The following MYO16 variants were observed in gnomAD, a reference collection of about 807,000 sequenced individuals.
MYO16 encodes the protein myosin XVI.
In MYO16, 94 loss-of-function variants were observed where a neutral mutation model predicts 205.3. The observed-to-expected ratio is 0.46, with a 90% CI of 0.39 to 0.54. MYO16 has a LOEUF of 0.54. MYO16 is among the 20% of genes least tolerant of loss of function. The probability of loss-of-function intolerance (pLI) is 0.00; values close to 1 mark genes in which losing one functional copy is unlikely to be tolerated. For missense variants in MYO16, 2,315 were observed against 2,387.5 expected, an observed-to-expected ratio of 0.97 and a Z score of 0.63; for synonymous variants, 988 against 954.0, an observed-to-expected ratio of 1.04 and a Z score of -0.66.
chr13:108,866,049 C>A (rs1878695391), intron 11 of MYO16, 128 bp from the exon 12 acceptor site: 2 of 545,378 alleles, frequency 3.7e-6, no homozygotes, highest in African/African-American at 2.0e-5. Flanking sequence ...TAAAAAATAG[C>A]AAAATACTAA....
chr13:109,089,188 CATTATT>C (rs34430414), intron 27 of MYO16, among the ~76,000 whole-genome samples: 1,946 of 147,838 alleles, frequency 0.013, 24 homozygotes, highest in South Asian at 0.034. Context: ...TTGTTTTCTG[CATTATT>C]ATTATTATTA....
At chr13:108,518,957 G>A in the MYO16 span, among the ~76,000 whole-genome samples, 122 of 152,134 alleles carry the variant, frequency 8.0e-4, 2 homozygotes, top group Non-Finnish European at 8.2e-4. Flanking sequence ...TCATGCCAAA[G>A]GATGCACATA....
At chr13:108,914,645 G>T (rs912923963) in intron 16 of MYO16, among the ~76,000 whole-genome samples, 2 of 152,060 alleles carry the variant, frequency 1.3e-5, no homozygotes, top group African/African-American at 2.4e-5. Context: ...AGAAAACATT[G>T]CTGTAATTCC....
chr13:108,637,243 C>T (rs1010019305), intron 1 of MYO16, among the ~76,000 whole-genome samples: 4 of 152,118 alleles, frequency 2.6e-5, no homozygotes, highest in Admixed American at 2.0e-4. Context: ...TCCGTGTTGA[C>T]GTTGCATTAT....
intron 21 of MYO16, among the ~76,000 whole-genome samples, chr13:109,000,431 C>T (rs989849304): frequency 2.6e-5 from 4 of 152,188 alleles, no homozygotes; most frequent in African/African-American, 9.6e-5. Context: ...TGCTCCAGCA[C>T]AGGCCATGCT....
chr13:109,151,933 G>A (rs898345296), intron 32 of MYO16, among the ~76,000 whole-genome samples: 18 of 152,240 alleles, frequency 1.2e-4, no homozygotes, highest in South Asian at 6.2e-4. Flanking sequence ...GCGAGATGAC[G>A]TGCTGGAGGG....
At chr13:108,902,838 C>G (rs1287156176) in intron 15 of MYO16, among the ~76,000 whole-genome samples, 1 of 152,166 alleles carries the variant, frequency 6.6e-6, no homozygotes, top group Non-Finnish European at 1.5e-5. Flanking sequence ...GTTTTGCTTT[C>G]TATGGTTTCA....
chr13:108,757,183 T>C (rs1298089328), intron 4 of MYO16, among the ~76,000 whole-genome samples: 2 of 152,212 alleles, frequency 1.3e-5, no homozygotes, highest in Non-Finnish European at 2.9e-5. Context: ...CATTTTAGCA[T>C]GGTTCATAAA....
intron 14 of MYO16, among the ~76,000 whole-genome samples, chr13:108,895,108 T>C (rs1053436365): frequency 1.3e-5 from 2 of 152,142 alleles, no homozygotes; most frequent in Non-Finnish European, 2.9e-5. Flanking sequence ...ATGCCACAAG[T>C]CTTTACTTTC....
intron 7 of MYO16, among the ~76,000 whole-genome samples, chr13:108,813,711 T>C (rs1258108077): frequency 6.6e-6 from 1 of 151,926 alleles, no homozygotes; most frequent in East Asian, 1.9e-4. Flanking sequence ...ACACTCTCTC[T>C]CTTTCTCTCT....
chr13:109,174,202 G>A (rs776126252), intron 33 of MYO16, among the ~76,000 whole-genome samples: 11 of 152,144 alleles, frequency 7.2e-5, no homozygotes, highest in Non-Finnish European at 1.2e-4. Context: ...AAGAAGGGAA[G>A]GGCAATTCCC....
intron 23 of MYO16, among the ~76,000 whole-genome samples, chr13:109,037,708 A>C (rs1253102764): frequency 3.3e-5 from 5 of 152,100 alleles, no homozygotes; most frequent in African/African-American, 1.2e-4. Flanking sequence ...AGATAGGAAG[A>C]AAGAGCTAGA....
chr13:109,086,901 C>A (rs1888449630), intron 27 of MYO16, among the ~76,000 whole-genome samples: 1 of 152,194 alleles, frequency 6.6e-6, no homozygotes, highest in South Asian at 2.1e-4. Context: ...ATGTACATAT[C>A]TGTTGCATTT....
intron 4 of MYO16, among the ~76,000 whole-genome samples, chr13:108,741,252 G>A (rs892983593): frequency 6.6e-5 from 10 of 152,168 alleles, no homozygotes; most frequent in African/African-American, 2.2e-4. Flanking sequence ...GACTGGAGCT[G>A]TTCCTATTTG....
chr13:108,938,755 A>G (rs1331017917), intron 16 of MYO16, among the ~76,000 whole-genome samples: 1 of 152,196 alleles, frequency 6.6e-6, no homozygotes, highest in Non-Finnish European at 1.5e-5. Context: ...ACCACCATCT[A>G]TGTTCAGGTA....
intron 1 of MYO16, among the ~76,000 whole-genome samples, chr13:108,651,638 A>C (rs1032412252): frequency 1.3e-5 from 2 of 152,250 alleles, no homozygotes; most frequent in Non-Finnish European, 2.9e-5. Flanking sequence ...GAAACACAAG[A>C]AATGGCCTAT....
chr13:109,134,573 C>G (rs1876682419), intron 31 of MYO16, among the ~76,000 whole-genome samples: 1 of 152,200 alleles, frequency 6.6e-6, no homozygotes, highest in Non-Finnish European at 1.5e-5. Context: ...GACTGTGACT[C>G]CTTGGGTGTC....
At chr13:109,027,425 G>A (rs1886399333) in intron 23 of MYO16, among the ~76,000 whole-genome samples, 1 of 152,194 alleles carries the variant, frequency 6.6e-6, no homozygotes, top group African/African-American at 2.4e-5. Flanking sequence ...TGACAACACT[G>A]TGTCTTATTT....
At chr13:108,566,207 G>A in the MYO16 span, among the ~76,000 whole-genome samples, 2 of 152,094 alleles carry the variant, frequency 1.3e-5, no homozygotes, top group African/African-American at 4.8e-5. Context: ...CTCATTGCTT[G>A]TCATTGGTCT....
Sources: gnomAD v4.1 joint callset for allele counts (sites outside exome capture counted in the v4.1 genomes callset) on GRCh38, gnomAD v4.1.1 for gene constraint, MANE v1.5 for transcripts, NCBI Gene and HGNC (gene_info 2026-07-23, HGNC 2026-07-21) for gene names.